Variants in BFSP2 observed in about 807,000 individuals in gnomAD.
BFSP2 encodes phakinin.
A neutral mutation model predicts 44.9 loss-of-function variants in BFSP2; 38 were observed. That is an observed-to-expected ratio of 0.85 (90% CI 0.65 to 1.11). BFSP2 has a LOEUF of 1.11. Ranked by LOEUF, BFSP2 falls within the 50% of genes least tolerant of loss-of-function variation. The pLI, the probability that BFSP2 is intolerant of heterozygous loss-of-function variation, is 0.00. For missense variants in BFSP2, 525 were observed against 533.0 expected, an observed-to-expected ratio of 0.99 and a Z score of 0.15; for synonymous variants, 197 against 209.9, an observed-to-expected ratio of 0.94 and a Z score of 0.53.
intron 1 of BFSP2, chr3:133,410,477 C>A: frequency 3.6e-6 from 1 of 279,300 alleles, no homozygotes. Context: ...CGTTAAGCTC[C>A]AGTCATTCCA....
At chr3:133,413,093 TG>T (rs2073472267) in intron 1 of BFSP2, among the ~76,000 whole-genome samples, 1 of 152,168 alleles carries the variant, frequency 6.6e-6, no homozygotes, top group Non-Finnish European at 1.5e-5. Context: ...GTGAGAGGGC[TG>T]GGGCTGGAGA....
chr3:133,454,277 G>T (rs2073992995), intron 4 of BFSP2, among the ~76,000 whole-genome samples: 1 of 152,206 alleles, frequency 6.6e-6, no homozygotes, highest in Admixed American at 6.5e-5. Context: ...CTATGATCAT[G>T]CCTATGGATA....
chr3:133,408,620 A>G (rs757757335), intron 1 of BFSP2, among the ~76,000 whole-genome samples: 3 of 152,138 alleles, frequency 2.0e-5, no homozygotes, highest in Non-Finnish European at 2.9e-5. Context: ...AAATCCAAAT[A>G]CCTCCCAGGA....
At chr3:133,419,192 G>A (rs12489349) in intron 1 of BFSP2, among the ~76,000 whole-genome samples, 57,295 of 151,946 alleles carry the variant, frequency 0.38, 11,827 homozygotes, top group Admixed American at 0.48. Context: ...AGGGCCCACC[G>A]TCAGGACCTC....
chr3:133,471,550 T>G (rs1182273434), intron 5 of BFSP2, among the ~76,000 whole-genome samples: 1 of 152,036 alleles, frequency 6.6e-6, no homozygotes, highest in East Asian at 1.9e-4. Context: ...ATGTTTCCAG[T>G]AAGAAGTTCA....
intron 5 of BFSP2, 28 bp downstream of exon 5, chr3:133,466,987 T>C (rs1395455711): frequency 6.2e-7 from 1 of 1,612,024 alleles, no homozygotes; most frequent in Admixed American, 1.7e-5. Flanking sequence ...AGACCTGGTG[T>C]CCTTGTGCTA....
intron 5 of BFSP2, among the ~76,000 whole-genome samples, chr3:133,470,187 C>T (rs1393829081): frequency 6.6e-6 from 1 of 152,152 alleles, no homozygotes; most frequent in African/African-American, 2.4e-5. Context: ...CTAGTGATCA[C>T]GTTTTGCCTC....
chr3:133,439,399 A>G (rs2073822602), intron 1 of BFSP2, among the ~76,000 whole-genome samples: 1 of 152,260 alleles, frequency 6.6e-6, no homozygotes. Flanking sequence ...CAGGCACTGA[A>G]CTGGGTGCTA....
chr3:133,414,310 A>T (rs1162061804), intron 1 of BFSP2, among the ~76,000 whole-genome samples: 1 of 25,620 alleles, frequency 3.9e-5, no homozygotes, highest in Non-Finnish European at 7.0e-5. Flanking sequence ...TCCCCTACTC[A>T]CCCCTCTACT....
chr3:133,428,124 C>T (rs1370557708), intron 1 of BFSP2, among the ~76,000 whole-genome samples: 1 of 152,174 alleles, frequency 6.6e-6, no homozygotes, highest in East Asian at 1.9e-4. Flanking sequence ...AACAGTTTGA[C>T]CTTGAGGTTT....
At chr3:133,403,642 C>T (rs1362730121) in intron 1 of BFSP2, among the ~76,000 whole-genome samples, 1 of 152,188 alleles carries the variant, frequency 6.6e-6, no homozygotes, top group Non-Finnish European at 1.5e-5. Flanking sequence ...GAGCAGGCAA[C>T]AATTTCCATA....
chr3:133,466,738 C>A, intron 4 of BFSP2, 90 bp from the exon 5 acceptor site: 1 of 1,151,366 alleles, frequency 8.7e-7, no homozygotes, highest in Non-Finnish European at 1.3e-6. Context: ...TGGTTAGAGG[C>A]AGTGGAGTGG....
intron 1 of BFSP2, among the ~76,000 whole-genome samples, chr3:133,416,216 G>A (rs1797664): frequency 7.3e-4 from 13 of 17,830 alleles, no homozygotes; most frequent in Middle Eastern, 0.048. Context: ...TGCCCCCTCC[G>A]CTCTACTCAC....
In BFSP2 at chr3:133,450,524, T is replaced by C; in HGVS notation, c.891+60T>C. On this transcript the variant is annotated intron_variant, in intron 4 of 6. Coordinates refer to ENST00000302334, the MANE Select transcript of BFSP2 (RefSeq NM_003571.4). ...TATGCAGAAGGAGGCCACGCTGAGC[T>C]GCAAACTAGTCAATGTGCAGACGAA... The C allele has an allele frequency of 1.9e-6, 3 of 1,589,428 alleles. No homozygotes were observed. In the Admixed American group the frequency reaches 5.0e-5, roughly 27 times the overall value.
In BFSP2 at chr3:133,472,457, C is replaced by A. The variant is rs774824478; in HGVS notation, c.1136C>A (p.Ala379Glu). 1.7e-5 allele frequency: 27 copies of A among 1,613,876 alleles called. No homozygotes were observed. The highest frequency in any genetic ancestry group is 2.1e-5 in the Non-Finnish European group (25 of 1,180,028). The part of the protein sequence containing the change: ...RLEAELREIR[A>E]EAEQQQQERA... ...GAGGCGGAGCTCAGGGAAATCCGAG[C>A]GGAGGCGGAGCAGCAGCAACAGGAG... Residue 379 changes from alanine to glutamate, a missense_variant, in exon 6 of 7, where the codon GCG becomes GAG. Physicochemically the swap from Ala to Glu is moderately radical, Grantham distance 107. Transcript: ENST00000302334.
At chr3:133,456,382 A>T (rs2074013024) in intron 4 of BFSP2, among the ~76,000 whole-genome samples, 1 of 152,208 alleles carries the variant, frequency 6.6e-6, no homozygotes, top group South Asian at 2.1e-4. Context: ...AAGCCGGGCC[A>T]TCTAACTGAA....
At chr3:133,436,687 T>A (rs2073787014) in intron 1 of BFSP2, among the ~76,000 whole-genome samples, 1 of 152,192 alleles carries the variant, frequency 6.6e-6, no homozygotes, top group Admixed American at 6.5e-5. Context: ...ACATGTGCCA[T>A]GTTGGTGTGC....
chr3:133,420,958 C>T (rs1436797334), intron 1 of BFSP2, among the ~76,000 whole-genome samples: 1 of 152,202 alleles, frequency 6.6e-6, no homozygotes, highest in Non-Finnish European at 1.5e-5. Context: ...ACAAGAGAGG[C>T]CCTGGCCCTG....
At chr3:133,430,631 G>A (rs1479427484) in intron 1 of BFSP2, among the ~76,000 whole-genome samples, 1 of 152,134 alleles carries the variant, frequency 6.6e-6, no homozygotes, top group Admixed American at 6.5e-5. Flanking sequence ...CAAATGGTCT[G>A]AGGTGCCTGA....
Sources: gnomAD v4.1 joint callset for allele counts (sites outside exome capture counted in the v4.1 genomes callset) on GRCh38, gnomAD v4.1.1 for gene constraint, MANE v1.5 for transcripts, NCBI Gene and HGNC (gene_info 2026-07-23, HGNC 2026-07-21) for gene names.